Variants in LUZP2 observed in about 807,000 individuals in gnomAD.
LUZP2 encodes the protein leucine zipper protein 2.
A neutral mutation model predicts 51.6 loss-of-function variants in LUZP2; 52 were observed. That is an observed-to-expected ratio of 1.01 (90% CI 0.81 to 1.27). LUZP2 has a LOEUF of 1.27. Among genes scored for constraint, LUZP2 ranks in the 50% most tolerant of loss-of-function variants. The pLI is 0.00. For synonymous variants in LUZP2, 154 were observed against 137.3 expected (o/e 1.12, Z -0.85); for missense variants, 436 against 395.4 (o/e 1.10, Z -0.87).
At chr11:24,671,641 G>A (rs1293990959) in intron 1 of LUZP2, among the ~76,000 whole-genome samples, 2 of 151,628 alleles carry the variant, frequency 1.3e-5, no homozygotes, top group Non-Finnish European at 2.9e-5. Flanking sequence ...AGACTCTGAT[G>A]TTCCCTCATG....
At chr11:25,059,400 A>G (rs1399593787) in intron 10 of LUZP2, among the ~76,000 whole-genome samples, 1 of 152,222 alleles carries the variant, frequency 6.6e-6, no homozygotes, top group East Asian at 1.9e-4. Flanking sequence ...AAAGCAAAAG[A>G]GGACATTATC....
At chr11:25,011,977 T>A (rs1337322253) in intron 9 of LUZP2, among the ~76,000 whole-genome samples, 1 of 152,056 alleles carries the variant, frequency 6.6e-6, no homozygotes, top group Non-Finnish European at 1.5e-5. Flanking sequence ...AACAGGAAAG[T>A]TTTCTGAAGG....
At chr11:24,523,368 T>C (rs1292646176) in intron 1 of LUZP2, among the ~76,000 whole-genome samples, 1 of 151,792 alleles carries the variant, frequency 6.6e-6, no homozygotes, top group South Asian at 2.1e-4. Context: ...AATCCTCTAC[T>C]CAATTATACC....
chr11:24,898,692 AC>A (rs1007705648), intron 5 of LUZP2, among the ~76,000 whole-genome samples: 3 of 152,124 alleles, frequency 2.0e-5, no homozygotes, highest in Non-Finnish European at 4.4e-5. Context: ...TACATATAAA[AC>A]GTGACAATTT....
intron 1 of LUZP2, among the ~76,000 whole-genome samples, chr11:24,693,551 A>G (rs4589298): frequency 0.2 from 29,666 of 151,932 alleles, 3,268 homozygotes; most frequent in Admixed American, 0.27. Flanking sequence ...TTATTTTCAC[A>G]CAAAGAAAGT....
chr11:24,897,933 CAT>C (rs1319692861), intron 5 of LUZP2, among the ~76,000 whole-genome samples: 13 of 152,046 alleles, frequency 8.6e-5, no homozygotes, highest in Non-Finnish European at 1.3e-4. Flanking sequence ...AAGAGAATAA[CAT>C]AGTGAAATTT....
intron 1 of LUZP2, among the ~76,000 whole-genome samples, chr11:24,674,327 T>C (rs1267792812): frequency 6.6e-6 from 1 of 152,198 alleles, no homozygotes; most frequent in African/African-American, 2.4e-5. Flanking sequence ...GACATCTCTT[T>C]CATCCTTTGG....
At chr11:24,735,742 T>G (rs1181011858) in intron 3 of LUZP2, among the ~76,000 whole-genome samples, 1 of 151,980 alleles carries the variant, frequency 6.6e-6, no homozygotes, top group Non-Finnish European at 1.5e-5. Flanking sequence ...ATTTCAATAT[T>G]TGAGCTATCT....
chr11:24,738,249 C>T lies in LUZP2; in HGVS notation c.280C>T (p.Leu94=), dbSNP rs771864324. The part of the protein sequence containing the change: ...REEMKSLQEA[L]QNQLKETSEK... ...AGAAATGAAGTCTCTTCAGGAGGCC[C>T]TGCAAAATCAGCTTAAGGAGACATC... Residue 94 remains leucine (L), a synonymous_variant, in exon 4 of 12, where the codon CTG becomes TTG. Coordinates refer to ENST00000336930, the MANE Select transcript of LUZP2 (RefSeq NM_001009909.4). 1.9e-6 allele frequency: 3 copies of T among 1,612,284 alleles called. No individual in the cohort carries two copies. In the African/African-American group the frequency reaches 4.0e-5, roughly 22 times the overall value.
In LUZP2 at chr11:24,803,317, C is replaced by T. The variant is rs180890835; in HGVS notation, c.396+40009C>T. On this transcript the variant is annotated intron_variant, in intron 5 of 11. Coordinates refer to ENST00000336930, the MANE Select transcript of LUZP2 (RefSeq NM_001009909.4). ...AACTATTATGAGATACTACTTCATA[C>T]GTCTTAGCCATCCCTTAGGATGGCT... Among the ~76,000 whole-genome samples the T allele has an allele frequency of 8.6e-4, 130 of 152,024 alleles. 1 individual carries two copies. The Middle Eastern group carries it at 0.02, about 24-fold the overall frequency.
chr11:24,722,771 G>T (rs1858325795), intron 1 of LUZP2, among the ~76,000 whole-genome samples: 2 of 151,878 alleles, frequency 1.3e-5, no homozygotes, highest in Admixed American at 6.6e-5. Context: ...ACAAAAATTA[G>T]CTGGGCGTGG....
At chr11:24,657,562 G>T (rs1263235342) in intron 1 of LUZP2, among the ~76,000 whole-genome samples, 1 of 152,228 alleles carries the variant, frequency 6.6e-6, no homozygotes, top group African/African-American at 2.4e-5. Context: ...AACTAATGTT[G>T]GAACTTCTGG....
chr11:24,831,335 C>A (rs1850700122), intron 5 of LUZP2, among the ~76,000 whole-genome samples: 1 of 152,140 alleles, frequency 6.6e-6, no homozygotes, highest in Admixed American at 6.6e-5. Context: ...CAGAGAGATA[C>A]AGGCAATTCA....
chr11:25,064,193 CTTGGTGAAAAAGAAACATA>C (rs1858930974), intron 10 of LUZP2, among the ~76,000 whole-genome samples: 1 of 151,756 alleles, frequency 6.6e-6, no homozygotes. Context: ...TACTGATTTC[CTTGGTGAAAAAGAAACATA>C]TTATACAATT....
chr11:24,900,465 C>G (rs560858990), intron 5 of LUZP2, among the ~76,000 whole-genome samples: 1 of 152,300 alleles, frequency 6.6e-6, no homozygotes, highest in East Asian at 1.9e-4. Flanking sequence ...TTCCATTCAT[C>G]TAAAGACATA....
chr11:25,023,078 A>G (rs1857385911), intron 9 of LUZP2, among the ~76,000 whole-genome samples: 1 of 152,040 alleles, frequency 6.6e-6, no homozygotes, highest in African/African-American at 2.4e-5. Context: ...TTTTTGCTTG[A>G]TGTTCATCAG....
At chr11:24,574,429 G>A (rs1852571156) in intron 1 of LUZP2, among the ~76,000 whole-genome samples, 1 of 141,614 alleles carries the variant, frequency 7.1e-6, no homozygotes. Context: ...ATGTATTTGT[G>A]TGTTAGTTAG....
intron 1 of LUZP2, among the ~76,000 whole-genome samples, chr11:24,658,840 T>G (rs1487679054): frequency 6.6e-6 from 1 of 152,212 alleles, no homozygotes; most frequent in African/African-American, 2.4e-5. Flanking sequence ...TCACTGGCCA[T>G]CAGAGAAATG....
At position 24,717,463 on chromosome 11, in the gene LUZP2, A is replaced by G. The variant is rs559440758; in HGVS notation, c.63-11706A>G. ...TTGCCTTGTCGCCCAGGTGGAATGCAGTGGCGCCATCTCGGCTCACTGCAA... is the reference window on the plus strand; with the variant it reads ...TTGCCTTGTCGCCCAGGTGGAATGCGGTGGCGCCATCTCGGCTCACTGCAA... On this transcript the variant is annotated intron_variant, in intron 1 of 11. Transcript: ENST00000336930. 3.4e-5 allele frequency among the ~76,000 whole-genome samples: 5 copies of G among 147,156 alleles called. No individual in the cohort carries two copies. The South Asian group carries it at 8.5e-4, about 25-fold the overall frequency.
Sources: allele counts gnomAD v4.1 joint callset (sites outside exome capture counted in the v4.1 genomes callset), GRCh38; gene constraint gnomAD v4.1.1; transcripts MANE v1.5; gene names NCBI Gene and HGNC (gene_info 2026-07-23, HGNC 2026-07-21).